NAV2: variants seen among roughly 807,000 people sequenced by gnomAD.
The protein encoded by NAV2 is neuron navigator 2, also known as helicase, APC down-regulated 1.
NAV2 carries 54 observed loss-of-function variants against 223.2 expected under a neutral mutation model. The observed-to-expected ratio is 0.24, with a 90% CI of 0.19 to 0.30. NAV2 has a LOEUF of 0.30. Among genes scored for constraint, NAV2 ranks in the 10% least tolerant of loss-of-function variants. The pLI is 1.00. For synonymous variants in NAV2, 1,279 were observed against 1,239.3 expected (o/e 1.03, Z -0.67); for missense variants, 2,806 against 3,147.5 (o/e 0.89, Z 2.60).
At chr11:19,493,901 T>C (rs1211915600) in intron 1 of NAV2, among the ~76,000 whole-genome samples, 1 of 152,196 alleles carries the variant, frequency 6.6e-6, no homozygotes, top group South Asian at 2.1e-4. Context: ...AAGAAAGCAA[T>C]GTATCAGACC....
chr11:19,477,851 T>TG (rs2042164803), intron 1 of NAV2, among the ~76,000 whole-genome samples: 1 of 152,144 alleles, frequency 6.6e-6, no homozygotes, highest in Non-Finnish European at 1.5e-5. Context: ...AGCCAAAAAG[T>TG]GGGGAGCCAG....
At chr11:19,460,749 G>A (rs1852128887) in intron 1 of NAV2, among the ~76,000 whole-genome samples, 1 of 152,084 alleles carries the variant, frequency 6.6e-6, no homozygotes, top group Admixed American at 6.5e-5. Context: ...TAACAAACCT[G>A]CATGTTGCGC....
intron 10 of NAV2, among the ~76,000 whole-genome samples, chr11:19,980,891 T>C (rs2153448237): frequency 6.6e-6 from 1 of 152,344 alleles, no homozygotes; most frequent in Middle Eastern, 3.4e-3. Context: ...ACCACAGCTC[T>C]GTCTCTGGTG....
intron 1 of NAV2, among the ~76,000 whole-genome samples, chr11:19,665,124 G>A (rs1010988189): frequency 2.0e-5 from 3 of 152,178 alleles, no homozygotes; most frequent in Admixed American, 2.0e-4. Context: ...CTAAAGGGCT[G>A]GGCAGAGAGG....
chr11:19,950,522 A>G lies in NAV2; in HGVS notation c.2645+1442A>G, dbSNP rs146329241. 2.9e-3 allele frequency among the ~76,000 whole-genome samples: 445 copies of G among 152,386 alleles called. 1 individual carries two copies. The highest frequency in any genetic ancestry group is 0.01 in the African/African-American group (421 of 41,596). ...TACAACTACTAGAGTTTATTTCAAAATGAATTTGATTTTTCTCTGTTCTAC... is the reference window on the plus strand; with the variant it reads ...TACAACTACTAGAGTTTATTTCAAAGTGAATTTGATTTTTCTCTGTTCTAC... On this transcript the variant is annotated intron_variant, in intron 10 of 37. Coordinates refer to ENST00000349880, the MANE Select transcript of NAV2 (RefSeq NM_145117.5).
intron 1 of NAV2, among the ~76,000 whole-genome samples, chr11:19,571,596 C>T (rs1437404028): frequency 6.6e-6 from 1 of 152,014 alleles, no homozygotes; most frequent in East Asian, 1.9e-4. Flanking sequence ...ATCCCAGCTA[C>T]TCGGGAGGCT....
At chr11:19,906,211 ATTC>A (rs745963581) in intron 6 of NAV2, among the ~76,000 whole-genome samples, 2 of 152,150 alleles carry the variant, frequency 1.3e-5, no homozygotes, top group Non-Finnish European at 2.9e-5. Context: ...GGTCTAAGCT[ATTC>A]TTCTGGTGGT....
intron 1 of NAV2, among the ~76,000 whole-genome samples, chr11:19,730,062 G>C (rs925674623): frequency 1.3e-5 from 2 of 152,224 alleles, no homozygotes; most frequent in Non-Finnish European, 2.9e-5. Context: ...GCTTTACACA[G>C]CCAGGATTTG....
At chr11:19,406,630 C>G (rs1021112457) in intron 1 of NAV2, among the ~76,000 whole-genome samples, 2 of 152,058 alleles carry the variant, frequency 1.3e-5, no homozygotes, top group African/African-American at 2.4e-5. Context: ...CTTCCTCTTT[C>G]CCCTCATCCA....
Position 20,103,701 on chromosome 11 carries a change from C to A in NAV2, c.6621C>A (p.Asn2207Lys), listed in dbSNP as rs748902535. Residue 2207 changes from asparagine (N) to lysine (K), a missense_variant, in exon 34 of 38, where the codon AAC becomes AAA. Transcript: ENST00000349880. ...TMNQATSSTP[N>K]LQLHHNFRWV... is the part of the protein sequence containing the mutation. ...ACCAGGCTACCTCTTCGACTCCCAA[C>A]CTGCAGCTTCACCATAACTTCAGGT... 5.8e-5 allele frequency: 94 copies of A among 1,614,206 alleles called. No homozygotes were observed. The highest frequency in any genetic ancestry group is 2.5e-4 in the African/African-American group (19 of 75,054).
At position 19,832,618 on chromosome 11, in the gene NAV2, C is replaced by T. The variant is rs1419050818; in HGVS notation, c.385+17C>T. On this transcript the variant is annotated intron_variant, in intron 2 of 37. Coordinates refer to ENST00000349880, the MANE Select transcript of NAV2 (RefSeq NM_145117.5). ...AGGTTGTGGGTAAGAGCAGATTTTA[C>T]CTTGGGGGTAATGAGTTACAGTGGA... 1 of 1,603,606 alleles carries T rather than the reference C, an allele frequency of 6.2e-7. No individual in the cohort carries two copies. The highest frequency in any genetic ancestry group is 8.5e-7 in the Non-Finnish European group (1 of 1,170,518).
chr11:20,017,960 C>G (rs994227552), intron 11 of NAV2, among the ~76,000 whole-genome samples: 1 of 152,144 alleles, frequency 6.6e-6, no homozygotes, highest in African/African-American at 2.4e-5. Context: ...TCCCTCCCTC[C>G]CTTCCCTTTC....
chr11:19,545,857 C>G (rs1041950967), intron 1 of NAV2, among the ~76,000 whole-genome samples: 2 of 152,074 alleles, frequency 1.3e-5, no homozygotes, highest in African/African-American at 4.8e-5. Context: ...CCCAGGGAAG[C>G]CAAAAGATTG....
At chr11:20,022,940 T>C (rs1196451511) in intron 11 of NAV2, 2 of 1,324,682 alleles carry the variant, frequency 1.5e-6, no homozygotes, top group African/African-American at 1.5e-5. Context: ...TTTCCTGGCC[T>C]GGGGAATGGT....
At position 20,100,921 on chromosome 11, in the gene NAV2, T is replaced by C. The variant is rs368703488; in HGVS notation, c.6182-16T>C. 2.1e-5 allele frequency: 33 copies of C among 1,608,708 alleles called. No individual in the cohort carries two copies. The African/African-American group carries it at 4.3e-4, about 21-fold the overall frequency. On this transcript the variant is annotated splice_polypyrimidine_tract_variant and intron_variant, in intron 31 of 37. Transcript: ENST00000349880. ...TCTACAGGGCTTCAGATGATTCCTGTCTCTCTCAAATGCAGGGCTCGCAGA... is the reference window on the plus strand; with the variant it reads ...TCTACAGGGCTTCAGATGATTCCTGCCTCTCTCAAATGCAGGGCTCGCAGA...
intron 1 of NAV2, among the ~76,000 whole-genome samples, chr11:19,560,155 C>A (rs1272792794): frequency 2.0e-5 from 3 of 152,264 alleles, no homozygotes; most frequent in African/African-American, 7.2e-5. Context: ...GTAAAAGAGA[C>A]TATTTTCTTG....
chr11:19,351,007 G>A (rs1478456857), exon 1 of NAV2: 18 of 1,551,532 alleles, frequency 1.2e-5, no homozygotes, highest in East Asian at 4.9e-5. Flanking sequence ...AGTTATCCAC[G>A]GACTGGAAGA....
chr11:19,862,795 G>A (rs189035465), intron 3 of NAV2, among the ~76,000 whole-genome samples: 10 of 152,292 alleles, frequency 6.6e-5, no homozygotes, highest in South Asian at 2.1e-4. Context: ...TGGGTAAATC[G>A]TGCATAAGGC....
chr11:19,684,041 C>T (rs917519829), intron 1 of NAV2, among the ~76,000 whole-genome samples: 1 of 152,084 alleles, frequency 6.6e-6, no homozygotes, highest in Non-Finnish European at 1.5e-5. Flanking sequence ...TGTACACTCC[C>T]CCAATTGTTT....
Sources: allele counts gnomAD v4.1 joint callset (sites outside exome capture counted in the v4.1 genomes callset), GRCh38; gene constraint gnomAD v4.1.1; transcripts MANE v1.5; gene names NCBI Gene and HGNC (gene_info 2026-07-23, HGNC 2026-07-21).